Variants in ZNF492 observed in about 807,000 individuals in gnomAD.
ZNF492 encodes zinc finger protein 115 (Y20).
A neutral mutation model predicts 6.4 loss-of-function variants in ZNF492; 3 were observed. The observed-to-expected ratio is 0.47, with a 90% CI of 0.21 to 1.22. The LOEUF is 1.22. Ranked by LOEUF, ZNF492 falls within the 50% of genes most tolerant of loss-of-function variation. The pLI, the probability that ZNF492 is intolerant of heterozygous loss-of-function variation, is 0.22. For missense variants in ZNF492, 356 were observed against 612.5 expected (o/e 0.58, Z 4.42); for synonymous variants, 112 against 205.3 (o/e 0.55, Z 3.89).
chr19:22,636,926 AC>A (rs1269799344), intron 1 of ZNF492, among the ~76,000 whole-genome samples: 1 of 106,468 alleles, frequency 9.4e-6, no homozygotes, highest in Non-Finnish European at 1.8e-5. Flanking sequence ...GAGCCACCAC[AC>A]CCTGACCCCA....
chr19:22,650,513 G>A (rs67559483), intron 1 of ZNF492, among the ~76,000 whole-genome samples: 22,315 of 152,004 alleles, frequency 0.15, 1,735 homozygotes, highest in East Asian at 0.18. Flanking sequence ...CAGAACTGGC[G>A]GGGGGAAAAG....
chr19:22,662,777 G>A (rs1483224289), intron 3 of ZNF492, among the ~76,000 whole-genome samples: 1 of 150,756 alleles, frequency 6.6e-6, no homozygotes, highest in Admixed American at 6.6e-5. Flanking sequence ...TTTTTGATGG[G>A]GTTGTTAGTT....
chr19:22,643,524 AG>A (rs962601326), intron 1 of ZNF492, among the ~76,000 whole-genome samples: 3 of 152,326 alleles, frequency 2.0e-5, no homozygotes, highest in Admixed American at 1.3e-4. Flanking sequence ...CAGCATTGAC[AG>A]GGGACTTATT....
intron 3 of ZNF492, among the ~76,000 whole-genome samples, chr19:22,656,639 A>G (rs1971999200): frequency 1.3e-5 from 2 of 152,118 alleles, no homozygotes; most frequent in Admixed American, 1.3e-4. Flanking sequence ...GACCTCTCCC[A>G]GACTGTGGCT....
chr19:22,663,809 C>T lies in ZNF492; in HGVS notation c.140C>T (p.Ser47Phe), dbSNP rs370256405. Residue 47 changes from serine to phenylalanine, a missense_variant, in exon 4 of 4, where the codon TCT becomes TTT. Physicochemically the swap from Ser to Phe is radical, Grantham distance 155. This residue lies in a region of ZNF492 where 196 missense variants were observed against 219.4 expected (regional missense o/e 0.89). Transcript: ENST00000456783. ...EMVAEPPVVCSYFARDLWPKQ... is the reference protein window; with the variant it reads ...EMVAEPPVVCFYFARDLWPKQ... ...TTTTTATTTCTTTCAGTTGTATGTT[C>T]TTATTTTGCCCGAGACCTTTGGCCA... The T allele has an allele frequency of 2.0e-6, 3 of 1,512,372 alleles. No individual in the cohort carries two copies. The highest frequency in any genetic ancestry group is 2.8e-5 in the South Asian group (2 of 72,290). 93.7% of individuals were successfully genotyped at this position (1,512,372 alleles called of 1,614,324 possible).
At chr19:22,654,387 T>C (rs7251324) in intron 3 of ZNF492, among the ~76,000 whole-genome samples, 29,126 of 151,640 alleles carry the variant, frequency 0.19, 3,663 homozygotes, top group African/African-American at 0.36. Context: ...GTTTTTACAT[T>C]ATGTCCTAAA....
intron 1 of ZNF492, among the ~76,000 whole-genome samples, chr19:22,650,575 A>G (rs1204293885): frequency 6.6e-6 from 1 of 152,114 alleles, no homozygotes; most frequent in Non-Finnish European, 1.5e-5. Context: ...CTAGGGACTC[A>G]GGCCCAGGGA....
At chr19:22,659,661 T>G (rs1255329954) in intron 3 of ZNF492, among the ~76,000 whole-genome samples, 82 of 137,976 alleles carry the variant, frequency 5.9e-4, no homozygotes, top group African/African-American at 2.2e-3. Flanking sequence ...GTGGTTTTTT[T>G]TTGTTGTTTT....
chr19:22,638,471 A>G (rs1333125201), intron 1 of ZNF492, among the ~76,000 whole-genome samples: 1 of 152,052 alleles, frequency 6.6e-6, no homozygotes, highest in Non-Finnish European at 1.5e-5. Flanking sequence ...TTAAATAGGG[A>G]TTTCTTTCCA....
intron 3 of ZNF492, among the ~76,000 whole-genome samples, chr19:22,655,475 T>C (rs1432867618): frequency 9.9e-5 from 15 of 152,168 alleles, no homozygotes; most frequent in Admixed American, 6.5e-4. Context: ...TTTCTGTCTC[T>C]TTTTTGTCAG....
chr19:22,656,826 T>C (rs1050257211), intron 3 of ZNF492, among the ~76,000 whole-genome samples: 2 of 152,040 alleles, frequency 1.3e-5, no homozygotes, highest in African/African-American at 2.4e-5. Flanking sequence ...GTTTCACAGC[T>C]CCCTCCGTAG....
chr19:22,660,290 T>TA (rs1219949829), intron 3 of ZNF492, among the ~76,000 whole-genome samples: 1 of 152,142 alleles, frequency 6.6e-6, no homozygotes. Context: ...GACGGACTGT[T>TA]ACATTTTTAA....
rs1413090135 is a variant in ZNF492, at chr19:22,665,865, A to G, written c.*600A>G. 1 of 152,600 alleles carries G rather than the reference A, an allele frequency of 6.6e-6. No individual in the cohort carries two copies. Among genetic ancestry groups the G allele is most frequent in the Non-Finnish European group, 1.5e-5 (1 of 68,326 alleles). 9.5% of individuals were successfully genotyped at this position (152,600 alleles called of 1,614,324 possible). A position where few individuals can be genotyped will look rare whatever the true frequency, so the allele number is the denominator to read the frequency against. On this transcript the variant is annotated 3_prime_UTR_variant, in exon 4 of 4. Transcript: ENST00000456783. ...AATTCAATGGTAAGTTTATGTAAAT[A>G]TCAGAGAATTTATGTTAGAAATATA...
At chr19:22,638,940 T>C (rs1285046466) in intron 1 of ZNF492, among the ~76,000 whole-genome samples, 1 of 152,040 alleles carries the variant, frequency 6.6e-6, no homozygotes, top group East Asian at 1.9e-4. Flanking sequence ...CCTCCCGGGT[T>C]CAAGCAATTC....
Position 22,666,627 on chromosome 19 carries a change from C to G in ZNF492, c.*1362C>G, listed in dbSNP as rs542595966. Reference sequence around the variant, plus strand: ...GGACATTAAAATGCATGATGAAAATCTAAGTAAAGAGGTTCTTTGTGATTC... The same window carrying G: ...GGACATTAAAATGCATGATGAAAATGTAAGTAAAGAGGTTCTTTGTGATTC... On this transcript the variant is annotated 3_prime_UTR_variant, in exon 4 of 4. Transcript: ENST00000456783. 1 of 152,078 alleles carries G rather than the reference C, an allele frequency of 6.6e-6. No homozygotes were observed. Among genetic ancestry groups the G allele is most frequent in the Non-Finnish European group, 1.5e-5 (1 of 68,020 alleles). The allele number at this position is 152,078 out of a possible 1,614,324, so 9.4% of individuals were successfully genotyped here. A position where few individuals can be genotyped will look rare whatever the true frequency, so the allele number is the denominator to read the frequency against.
chr19:22,657,869 T>C (rs1972013026), intron 3 of ZNF492, among the ~76,000 whole-genome samples: 1 of 152,144 alleles, frequency 6.6e-6, no homozygotes, highest in Non-Finnish European at 1.5e-5. Context: ...ATTTTGGTTA[T>C]GGCTAATCTT....
chr19:22,649,547 C>A (rs1453775376), intron 1 of ZNF492, among the ~76,000 whole-genome samples: 1 of 152,000 alleles, frequency 6.6e-6, no homozygotes, highest in East Asian at 1.9e-4. Flanking sequence ...CATTCTCCCC[C>A]TTTCCTTCAG....
At chr19:22,638,841 TTTTGTTTG>T (rs1040802000) in intron 1 of ZNF492, among the ~76,000 whole-genome samples, 1 of 100,626 alleles carries the variant, frequency 9.9e-6, no homozygotes, top group Non-Finnish European at 1.9e-5. Flanking sequence ...ATTGATCTTT[TTTTGTTTG>T]TTTGTTTGTT....
At chr19:22,663,718 G>C (rs918381786) in intron 3 of ZNF492, 82 bp from the exon 4 acceptor site, 61 of 1,310,936 alleles carry the variant, frequency 4.7e-5, no homozygotes, top group Middle Eastern at 4.9e-4. Flanking sequence ...GATGTAGTTT[G>C]TATAATTTTA....
Sources: gnomAD v4.1 joint callset for allele counts (sites outside exome capture counted in the v4.1 genomes callset) on GRCh38, gnomAD v4.1.1 for gene constraint, gnomAD v4.1.1 regional missense constraint, MANE v1.5 for transcripts, NCBI Gene and HGNC (gene_info 2026-07-23, HGNC 2026-07-21) for gene names.